The following IFT25 variants were observed in gnomAD, a reference collection of about 807,000 sequenced individuals.
The protein encoded by IFT25 is intraflagellar transport 25, also known as intraflagellar transport protein 25 homolog.
At chr1:53,940,049 C>T in the IFT25 span, 3 of 1,610,732 alleles carry the variant, frequency 1.9e-6, no homozygotes, top group South Asian at 2.2e-5. Context: ...ACTTCGGACC[C>T]TTCAGAGCTC....
At chr1:53,920,971 G>A in the IFT25 span, among the ~76,000 whole-genome samples, 20 of 152,282 alleles carry the variant, frequency 1.3e-4, no homozygotes, top group African/African-American at 4.6e-4. Flanking sequence ...TCAGGAGTTT[G>A]AGACAATCCT....
At chr1:53,942,559 C>T in the IFT25 span, among the ~76,000 whole-genome samples, 1 of 152,154 alleles carries the variant, frequency 6.6e-6, no homozygotes, top group African/African-American at 2.4e-5. Flanking sequence ...CTATTTGGCC[C>T]TTTACAAAAA....
chr1:53,925,431 C>T, the IFT25 span, among the ~76,000 whole-genome samples: 8 of 151,774 alleles, frequency 5.3e-5, no homozygotes, highest in East Asian at 3.9e-4. Context: ...GAGGCTGAGG[C>T]GGGCAGATCA....
chr1:53,941,058 G>A, the IFT25 span, among the ~76,000 whole-genome samples: 5 of 151,974 alleles, frequency 3.3e-5, no homozygotes, highest in African/African-American at 7.3e-5. Flanking sequence ...GCAATGGGGC[G>A]ATCTTGGCTC....
chr1:53,934,076 T>C, the IFT25 span, among the ~76,000 whole-genome samples: 5 of 152,336 alleles, frequency 3.3e-5, no homozygotes, highest in East Asian at 1.9e-4. Context: ...CAGTCTTTTA[T>C]ATTTACCCAA....
At chr1:53,914,590 A>G in the IFT25 span, among the ~76,000 whole-genome samples, 1 of 152,190 alleles carries the variant, frequency 6.6e-6, no homozygotes, top group African/African-American at 2.4e-5. Flanking sequence ...CATCATTGCT[A>G]TAAACTTTGT....
chr1:53,931,579 G>A, the IFT25 span, among the ~76,000 whole-genome samples: 1 of 152,148 alleles, frequency 6.6e-6, no homozygotes, highest in Non-Finnish European at 1.5e-5. Flanking sequence ...ATTTCCAATT[G>A]ATCTTGTGTT....
the IFT25 span, among the ~76,000 whole-genome samples, chr1:53,944,539 G>A: frequency 6.6e-6 from 1 of 152,180 alleles, no homozygotes; most frequent in South Asian, 2.1e-4. Flanking sequence ...CAGCTACTCC[G>A]GAGGCTGAGG....
chr1:53,914,634 T>C, the IFT25 span, among the ~76,000 whole-genome samples: 1 of 152,220 alleles, frequency 6.6e-6, no homozygotes, highest in Non-Finnish European at 1.5e-5. Flanking sequence ...TATCTGATTA[T>C]TAGGCTATAT....
the IFT25 span, among the ~76,000 whole-genome samples, chr1:53,926,033 C>T: frequency 1.5e-5 from 2 of 132,500 alleles, no homozygotes; most frequent in Non-Finnish European, 3.1e-5. Flanking sequence ...ACCTGGGAAG[C>T]GGAAGTTGCA....
At chr1:53,922,554 A>G in the IFT25 span, among the ~76,000 whole-genome samples, 3 of 152,188 alleles carry the variant, frequency 2.0e-5, no homozygotes, top group African/African-American at 4.8e-5. Flanking sequence ...TTTAAAAGCT[A>G]TAAGTATGTT....
the IFT25 span, among the ~76,000 whole-genome samples, chr1:53,931,139 A>AT: frequency 4.6e-5 from 7 of 152,170 alleles, no homozygotes; most frequent in African/African-American, 1.4e-4. Flanking sequence ...TCTGATTTCT[A>AT]TCACCACCAA....
At chr1:53,919,232 C>T in the IFT25 span, among the ~76,000 whole-genome samples, 1 of 152,162 alleles carries the variant, frequency 6.6e-6, no homozygotes, top group African/African-American at 2.4e-5. Flanking sequence ...GGCAAGCAGA[C>T]AACAGCAAAT....
the IFT25 span, chr1:53,928,385 T>C: frequency 3.7e-6 from 6 of 1,612,462 alleles, no homozygotes; most frequent in East Asian, 4.5e-5. Flanking sequence ...TTTCAATCCA[T>C]TGCTCAAAAT....
chr1:53,928,278 T>C, the IFT25 span: 1 of 1,023,976 alleles, frequency 9.8e-7, no homozygotes, highest in Non-Finnish European at 1.5e-6. Context: ...TAAAGTCATC[T>C]TTTTTCACCA....
At chr1:53,919,375 C>G in the IFT25 span, among the ~76,000 whole-genome samples, 2 of 152,202 alleles carry the variant, frequency 1.3e-5, no homozygotes, top group African/African-American at 4.8e-5. Flanking sequence ...CTGAAAAAGC[C>G]TGGGTTAGCC....
At chr1:53,926,629 C>G in the IFT25 span, among the ~76,000 whole-genome samples, 35,929 of 152,014 alleles carry the variant, frequency 0.24, 6,771 homozygotes, top group African/African-American at 0.53. Flanking sequence ...TTTTAACCTT[C>G]AACTGCTTTC....
chr1:53,939,700 A>T, the IFT25 span: 1 of 350,040 alleles, frequency 2.9e-6, no homozygotes. Flanking sequence ...TAAAATTTAC[A>T]CTTCCATAAA....
the IFT25 span, among the ~76,000 whole-genome samples, chr1:53,935,151 T>TA: frequency 6.6e-6 from 1 of 152,078 alleles, no homozygotes; most frequent in East Asian, 1.9e-4. Context: ...CCGTCTATAC[T>TA]AAAAATACAA....
Sources: allele counts gnomAD v4.1 joint callset (sites outside exome capture counted in the v4.1 genomes callset), GRCh38; gene constraint gnomAD v4.1.1; transcripts MANE v1.5; gene names NCBI Gene and HGNC (gene_info 2026-07-23, HGNC 2026-07-21).